Variants in SAA1 observed in about 807,000 individuals in gnomAD.
SAA1 encodes the protein serum amyloid A-1 protein.
A neutral mutation model predicts 9.8 loss-of-function variants in SAA1; 4 were observed. That is an observed-to-expected ratio of 0.41 (90% CI 0.20 to 0.93). The LOEUF (loss-of-function observed/expected upper bound fraction) is 0.93. Ranked by LOEUF, SAA1 falls within the 40% of genes least tolerant of loss-of-function variation. The pLI is 0.33. For synonymous variants in SAA1, 47 were observed against 57.7 expected, an observed-to-expected ratio of 0.82 and a Z score of 0.84; for missense variants, 114 against 155.5, an observed-to-expected ratio of 0.73 and a Z score of 1.42.
intron 2 of SAA1, among the ~76,000 whole-genome samples, chr11:18,268,278 A>T (rs1414274662): frequency 6.6e-6 from 1 of 152,078 alleles, no homozygotes; most frequent in Non-Finnish European, 1.5e-5. Flanking sequence ...AGGCTGAAGC[A>T]CGAGAATCAC....
rs1157297569 is a variant in SAA1 at position 18,269,936 on chromosome 11, A to G, written c.*81A>G. On this transcript the variant is annotated 3_prime_UTR_variant, in exon 4 of 4. Coordinates refer to ENST00000356524, the MANE Select transcript of SAA1 (RefSeq NM_199161.5). ...ATACAAAGCGGGGAGAGGGTACACA[A>G]TGGGTATCTAATAAATACTTAAGAG... 1.3e-6 allele frequency: 2 copies of G among 1,581,174 alleles called. No individual in the cohort carries two copies. Among genetic ancestry groups the G allele is most frequent in the Non-Finnish European group, 8.6e-7 (1 of 1,164,014 alleles).
rs1858154374 is a variant in SAA1, at chr11:18,269,482, G to T, written c.230+149G>T. Reference sequence around the variant, plus strand: ...TCTCTGCCTCTGTGCTCAGTGTGAGGTCTGAGTGGATGGTAGGAGTGAGTG... The same window carrying T: ...TCTCTGCCTCTGTGCTCAGTGTGAGTTCTGAGTGGATGGTAGGAGTGAGTG... On this transcript the variant is annotated intron_variant, in intron 3 of 3. Transcript: ENST00000356524. 3 of 1,469,208 alleles carry T rather than the reference G, an allele frequency of 2.0e-6. No individual in the cohort carries two copies. In the African/African-American group the frequency reaches 4.3e-5, roughly 21 times the overall value. The allele number at this position is 1,469,208 out of a possible 1,614,324, so 91.0% of individuals were successfully genotyped here.
Position 18,269,827 on chromosome 11 carries a change from G to C in SAA1, c.341G>C (p.Arg114Pro), listed in dbSNP as rs767154283. 6.2e-6 allele frequency: 10 copies of C among 1,614,158 alleles called. No homozygotes were observed. The highest frequency in any genetic ancestry group is 5.3e-5 in the African/African-American group (4 of 75,036). The change falls in exon 4 of 4, where the codon CGA becomes CCA. Residue 114 changes from arginine to proline, a missense_variant. Arg to Pro is a moderately radical substitution (Grantham distance 103). Transcript: ENST00000356524. ...GRSGKDPNHF[R>P]PAGLPEKY Reference sequence around the variant, plus strand: ...AGTGGCAAAGACCCCAATCACTTCCGACCTGCTGGCCTGCCTGAGAAATAC... The same window carrying C: ...AGTGGCAAAGACCCCAATCACTTCCCACCTGCTGGCCTGCCTGAGAAATAC...
intron 2 of SAA1, among the ~76,000 whole-genome samples, chr11:18,268,670 T>TA (rs1298018578): frequency 2.0e-5 from 3 of 151,690 alleles, no homozygotes; most frequent in African/African-American, 7.3e-5. Context: ...CCGTCTCTAC[T>TA]AAAAATACAA....
chr11:18,269,818 A>G lies in SAA1; in HGVS notation c.332A>G (p.Asn111Ser). 6.2e-7 allele frequency: 1 copy of G among 1,614,152 alleles called. No homozygotes were observed. Among genetic ancestry groups the G allele is most frequent in the Non-Finnish European group, 8.5e-7 (1 of 1,180,022 alleles). Residue 111 changes from asparagine to serine, a missense_variant, in exon 4 of 4, where the codon AAT becomes AGT. Asn to Ser is a conservative substitution (Grantham distance 46, BLOSUM62 1). Around this residue, in one of 2 missense-constraint regions of SAA1, gnomAD observed 68 missense variants for 54.7 expected, o/e 1.24. Coordinates refer to ENST00000356524, the MANE Select transcript of SAA1 (RefSeq NM_199161.5). ...TGGGGCAGGAGTGGCAAAGACCCCAATCACTTCCGACCTGCTGGCCTGCCT... is the reference window on the plus strand; with the variant it reads ...TGGGGCAGGAGTGGCAAAGACCCCAGTCACTTCCGACCTGCTGGCCTGCCT... Reference protein sequence around the residue: ...NEWGRSGKDPNHFRPAGLPEK... With the variant: ...NEWGRSGKDPSHFRPAGLPEK...
intron 3 of SAA1, 42 bp downstream of exon 3, chr11:18,269,375 C>G: frequency 1.4e-6 from 2 of 1,474,122 alleles, no homozygotes; most frequent in Non-Finnish European, 1.8e-6. Flanking sequence ...GTGAGCAGAG[C>G]TTGCCTGCCT....
In SAA1 at chr11:18,269,309, G is replaced by T. The variant is rs1858143967; in HGVS notation, c.206G>T (p.Gly69Val). Residue 69 changes from glycine (G) to valine (V), a missense_variant, in exon 3 of 4, where the codon GGT (glycine) becomes GTT (valine). Transcript: ENST00000356524. ...NYDAAKRGPG[G>V]AWAAEVITDA... ...GATGCTGCCAAAAGGGGACCTGGGG[G>T]TGCCTGGGCTGCAGAAGTGATCACG... is the stretch of plus-strand genomic sequence containing the variant. 3 of 1,541,866 alleles carry T rather than the reference G, an allele frequency of 1.9e-6. No individual in the cohort carries two copies. Among genetic ancestry groups the T allele is most frequent in the East Asian group, 4.6e-5 (2 of 43,516 alleles).
Position 18,269,322 on chromosome 11 carries a change from A to T in SAA1, c.219A>T (p.Ala73=). The part of the protein sequence containing the change: ...AKRGPGGAWA[A]EVITDARENI... ...GGGGACCTGGGGGTGCCTGGGCTGC[A>T]GAAGTGATCACGTAACTGGAGCTCC... The change falls in exon 3 of 4, where the codon GCA becomes GCT. Residue 73 remains alanine (A), a synonymous_variant. Transcript: ENST00000356524. 2 of 1,496,288 alleles carry T rather than the reference A, an allele frequency of 1.3e-6. No individual in the cohort carries two copies. Among genetic ancestry groups the T allele is most frequent in the Non-Finnish European group, 1.8e-6 (2 of 1,122,854 alleles). The allele number at this position is 1,496,288 out of a possible 1,614,324, so 92.7% of individuals were successfully genotyped here. A position where few individuals can be genotyped will look rare whatever the true frequency, so the allele number is the denominator to read the frequency against.
At chr11:18,268,861 AAAG>A (rs1858119765) in intron 2 of SAA1, among the ~76,000 whole-genome samples, 1 of 91,434 alleles carries the variant, frequency 1.1e-5, no homozygotes, top group African/African-American at 4.2e-5. Context: ...AAAAAAAAAA[AAAG>A]AATATAAACT....
At chr11:18,268,865 A>AAAAAAAAAAAAAT (rs1564911715) in intron 2 of SAA1, among the ~76,000 whole-genome samples, 1 of 90,224 alleles carries the variant, frequency 1.1e-5, no homozygotes, top group African/African-American at 4.3e-5. Flanking sequence ...AAAAAAAAAG[A>AAAAAAAAAAAAAT]ATATAAACTT....
At chr11:18,269,618 C>T in intron 3 of SAA1, 99 bp from the exon 4 acceptor site, 1 of 1,519,988 alleles carries the variant, frequency 6.6e-7, no homozygotes, top group Non-Finnish European at 9.0e-7. Flanking sequence ...CCTTTCTGGG[C>T]TCCTCTCTGA....
intron 2 of SAA1, among the ~76,000 whole-genome samples, chr11:18,268,760 G>A (rs1388899860): frequency 2.0e-5 from 3 of 150,604 alleles, no homozygotes; most frequent in Admixed American, 6.6e-5. Context: ...TTGAACCTGG[G>A]AGGTGGAGGT....
In SAA1 at chr11:18,269,078, T is replaced by C. The variant is rs1157012788; in HGVS notation, c.92-117T>C. 3 of 1,541,768 alleles carry C rather than the reference T, an allele frequency of 1.9e-6. No individual in the cohort carries two copies. The Admixed American group carries it at 6.4e-5, about 33-fold the overall frequency. ...CCCATGGTATCCAAGGCTGCTATGATCACAGGCTGAAAGCTTGAAGTCAGT... is the reference window on the plus strand; with the variant it reads ...CCCATGGTATCCAAGGCTGCTATGACCACAGGCTGAAAGCTTGAAGTCAGT... On this transcript the variant is annotated intron_variant, in intron 2 of 3. Coordinates refer to ENST00000356524, the MANE Select transcript of SAA1 (RefSeq NM_199161.5).
At chr11:18,269,581 C>T (rs1858157166) in intron 3 of SAA1, 136 bp from the exon 4 acceptor site, 16 of 1,417,746 alleles carry the variant, frequency 1.1e-5, no homozygotes, top group Non-Finnish European at 1.5e-5. Flanking sequence ...GGGGTGGTGC[C>T]CAGTGTTTTC....
Position 18,269,180 on chromosome 11 carries a change from T to G in SAA1, c.92-15T>G. ...GTTCTCCTGATGTCCCTTCTGCCTT[T>G]CCTTTCCTTTCCAGGGGCTCGGGAC... On this transcript the variant is annotated splice_polypyrimidine_tract_variant and intron_variant, in intron 2 of 3. Transcript: ENST00000356524. 1 of 1,578,642 alleles carries G rather than the reference T, an allele frequency of 6.3e-7. No individual in the cohort carries two copies. The highest frequency in any genetic ancestry group is 8.6e-7 in the Non-Finnish European group (1 of 1,168,416).
At chr11:18,267,787 G>A (rs1388846134) in intron 2 of SAA1, among the ~76,000 whole-genome samples, 1 of 106,470 alleles carries the variant, frequency 9.4e-6, no homozygotes, top group Admixed American at 9.5e-5. Flanking sequence ...TGGAAGGTGA[G>A]AAAGCTGATC....
chr11:18,268,236 G>T (rs1285096973), intron 2 of SAA1, among the ~76,000 whole-genome samples: 1 of 151,744 alleles, frequency 6.6e-6, no homozygotes, highest in Admixed American at 6.6e-5. Flanking sequence ...GCCAGGCGTG[G>T]TGGCAGGCAC....
Position 18,269,926 on chromosome 11 carries a change from A to C in SAA1, c.*71A>C, listed in dbSNP as rs1858176278. The C allele has an allele frequency of 6.3e-7, 1 of 1,595,070 alleles. No individual in the cohort carries two copies. The highest frequency in any genetic ancestry group is 8.5e-7 in the Non-Finnish European group (1 of 1,170,616). On this transcript the variant is annotated 3_prime_UTR_variant, in exon 4 of 4. Transcript: ENST00000356524. ...CAGGGCAGGGATACAAAGCGGGGAG[A>C]GGGTACACAATGGGTATCTAATAAA...
At chr11:18,267,506 C>T (rs1414519585) in intron 2 of SAA1, among the ~76,000 whole-genome samples, 1 of 121,624 alleles carries the variant, frequency 8.2e-6, no homozygotes, top group Admixed American at 8.4e-5. Flanking sequence ...TATAAAATGT[C>T]CCTCAGCATA....
Sources: allele counts gnomAD v4.1 joint callset (sites outside exome capture counted in the v4.1 genomes callset), GRCh38; gene constraint gnomAD v4.1.1; regional missense constraint gnomAD v4.1.1; transcripts MANE v1.5; gene names NCBI Gene and HGNC (gene_info 2026-07-23, HGNC 2026-07-21).